Variants in GARIN1B observed in about 807,000 individuals in gnomAD.
GARIN1B encodes golgi associated RAB2 interactor 1B.
chr7:128,731,235 G>A, the GARIN1B span: 1 of 952,142 alleles, frequency 1.1e-6, no homozygotes, highest in African/African-American at 1.6e-5. Flanking sequence ...GAAGAATAGA[G>A]TCATCTCACG....
chr7:128,712,333 G>A, the GARIN1B span, among the ~76,000 whole-genome samples: 19 of 152,176 alleles, frequency 1.2e-4, no homozygotes, highest in African/African-American at 4.1e-4. Context: ...AACATAAAAT[G>A]TACCATTTTA....
At chr7:128,722,512 A>AT in the GARIN1B span, among the ~76,000 whole-genome samples, 1 of 152,208 alleles carries the variant, frequency 6.6e-6, no homozygotes, top group South Asian at 2.1e-4. Flanking sequence ...TTAAGTTTTA[A>AT]AACACCAATT....
the GARIN1B span, among the ~76,000 whole-genome samples, chr7:128,725,990 G>A: frequency 6.6e-6 from 1 of 152,242 alleles, no homozygotes; most frequent in African/African-American, 2.4e-5. Flanking sequence ...GGCAGGTTAA[G>A]GGAATGGGCA....
At chr7:128,716,882 T>G in the GARIN1B span, 1 of 1,613,876 alleles carries the variant, frequency 6.2e-7, no homozygotes, top group African/African-American at 1.3e-5. Context: ...GGTGACCTCC[T>G]CGGTACCCTG....
chr7:128,721,234 T>C, the GARIN1B span, among the ~76,000 whole-genome samples: 1 of 152,214 alleles, frequency 6.6e-6, no homozygotes, highest in Non-Finnish European at 1.5e-5. Flanking sequence ...GCAGTTCTCC[T>C]GCCTCAGCCT....
the GARIN1B span, chr7:128,731,244 C>T: frequency 0.14 from 122,181 of 895,040 alleles, 10,943 homozygotes; most frequent in Admixed American, 0.31. Flanking sequence ...AGTCATCTCA[C>T]GGTGACAGCA....
chr7:128,709,750 CTT>C, the GARIN1B span, among the ~76,000 whole-genome samples: 1 of 114,666 alleles, frequency 8.7e-6, no homozygotes, highest in African/African-American at 3.5e-5. Flanking sequence ...CTCTCTCTCT[CTT>C]TTTTTTTTTT....
the GARIN1B span, chr7:128,730,173 TG>T: frequency 6.0e-6 from 8 of 1,340,188 alleles, no homozygotes; most frequent in Non-Finnish European, 8.2e-6. Context: ...CAGAAAGTTG[TG>T]GGGTGTGGTC....
chr7:128,710,810 C>A, the GARIN1B span, among the ~76,000 whole-genome samples: 1 of 151,914 alleles, frequency 6.6e-6, no homozygotes, highest in Admixed American at 6.6e-5. Flanking sequence ...TGTGCCACCA[C>A]GCCCAGCTAA....
chr7:128,711,792 A>C, the GARIN1B span, among the ~76,000 whole-genome samples: 1 of 152,058 alleles, frequency 6.6e-6, no homozygotes, highest in Non-Finnish European at 1.5e-5. Flanking sequence ...TGTAATCCCA[A>C]CACTTTGGGA....
chr7:128,721,735 G>T, the GARIN1B span, among the ~76,000 whole-genome samples: 6 of 152,140 alleles, frequency 3.9e-5, no homozygotes, highest in African/African-American at 1.4e-4. Flanking sequence ...ATTTGTAGAT[G>T]CCCTTAATCT....
chr7:128,729,005 G>A, the GARIN1B span, among the ~76,000 whole-genome samples: 1 of 152,214 alleles, frequency 6.6e-6, no homozygotes, highest in South Asian at 2.1e-4. Context: ...GAAAACAGAT[G>A]TGAGGAATAT....
chr7:128,713,421 C>A, the GARIN1B span, among the ~76,000 whole-genome samples: 1 of 152,088 alleles, frequency 6.6e-6, no homozygotes, highest in Non-Finnish European at 1.5e-5. Context: ...TTGAGGTTTG[C>A]AGGGGAAGTA....
At chr7:128,728,400 G>A in the GARIN1B span, among the ~76,000 whole-genome samples, 2 of 151,832 alleles carry the variant, frequency 1.3e-5, no homozygotes, top group East Asian at 1.9e-4. Context: ...CCGAGATCAC[G>A]CCACTGCACT....
At chr7:128,715,759 G>A in the GARIN1B span, 1 of 1,356,812 alleles carries the variant, frequency 7.4e-7, no homozygotes, top group Non-Finnish European at 1.0e-6. Context: ...ATGACTGAGA[G>A]AGTCCATCCC....
chr7:128,722,138 T>C, the GARIN1B span, among the ~76,000 whole-genome samples: 2 of 152,252 alleles, frequency 1.3e-5, no homozygotes, highest in Non-Finnish European at 2.9e-5. Context: ...AGTTGGAAAG[T>C]ATTCCCTCCT....
the GARIN1B span, chr7:128,723,093 G>A: frequency 2.2e-6 from 3 of 1,376,010 alleles, no homozygotes; most frequent in Non-Finnish European, 2.9e-6. Flanking sequence ...CTGCACTTTG[G>A]AAAATTTTGA....
chr7:128,727,202 T>C, the GARIN1B span, among the ~76,000 whole-genome samples: 3 of 152,212 alleles, frequency 2.0e-5, no homozygotes, highest in South Asian at 2.1e-4. Flanking sequence ...AACCACGCAC[T>C]GAGTGCCAGT....
the GARIN1B span, among the ~76,000 whole-genome samples, chr7:128,712,977 T>C: frequency 9.2e-5 from 14 of 152,110 alleles, no homozygotes; most frequent in Non-Finnish European, 1.8e-4. Context: ...ACAGGAGACC[T>C]GTGCCCAACT....
Sources: gnomAD v4.1 joint callset for allele counts (sites outside exome capture counted in the v4.1 genomes callset) on GRCh38, gnomAD v4.1.1 for gene constraint, MANE v1.5 for transcripts, NCBI Gene and HGNC (gene_info 2026-07-23, HGNC 2026-07-21) for gene names.